The following PRDM5 variants were observed in gnomAD, a reference collection of about 807,000 sequenced individuals.
PRDM5 encodes PR domain zinc finger protein 5.
Under a neutral mutation model 81.2 loss-of-function variants are expected in PRDM5, and 56 were observed. The ratio of observed to expected loss-of-function variants is 0.69; its 90% CI spans 0.56 to 0.86. The LOEUF is 0.86. PRDM5 is among the 40% of genes least tolerant of loss of function. The pLI is 0.00. For missense variants in PRDM5, 697 were observed against 770.1 expected (o/e 0.91, Z 1.12); for synonymous variants, 267 against 256.4 (o/e 1.04, Z -0.39).
chr4:120,748,761 A>T (rs1743525797), intron 14 of PRDM5, among the ~76,000 whole-genome samples: 1 of 152,104 alleles, frequency 6.6e-6, no homozygotes, highest in Non-Finnish European at 1.5e-5. Context: ...CTAGAAAGGG[A>T]TGAGAAATGG....
Position 120,818,481 on chromosome 4 carries a change from C to T in PRDM5, c.522G>A (p.Ser174=), listed in dbSNP as rs752217320. 13 of 1,613,486 alleles carry T rather than the reference C, an allele frequency of 8.1e-6. No homozygotes were observed. Among genetic ancestry groups the T allele is most frequent in the Admixed American group, 3.3e-5 (2 of 59,974 alleles). ...CAAGAATATCCTCACTGGTAAAACT[C>T]GATTCACATTGAGGACAAGCATAGT... ...KEDYACPQCE[S]SFTSEDILAE... The change falls in exon 5 of 16, where the codon TCG becomes TCA. Residue 174 remains serine (S), a synonymous_variant. Transcript: ENST00000264808.
intron 2 of PRDM5, among the ~76,000 whole-genome samples, chr4:120,868,638 G>A (rs1761460079): frequency 6.6e-6 from 1 of 152,120 alleles, no homozygotes; most frequent in Non-Finnish European, 1.5e-5. Context: ...CAATGCCACA[G>A]AATTAAAGAA....
chr4:120,851,520 T>G (rs1759275914), intron 3 of PRDM5, among the ~76,000 whole-genome samples: 1 of 151,198 alleles, frequency 6.6e-6, no homozygotes, highest in South Asian at 2.1e-4. Context: ...ATGGCCATCA[T>G]GAATAATTGG....
At chr4:120,839,169 C>T (rs1757701199) in intron 3 of PRDM5, 1 of 695,372 alleles carries the variant, frequency 1.4e-6, no homozygotes, top group Non-Finnish European at 2.6e-6. Context: ...TGCAGCTCTT[C>T]TCTCCTTCTC....
intron 13 of PRDM5, among the ~76,000 whole-genome samples, chr4:120,774,868 GTCTC>G (rs151074819): frequency 1.5e-5 from 2 of 134,742 alleles, no homozygotes; most frequent in East Asian, 2.1e-4. Context: ...CTCCTTCTCT[GTCTC>G]TCTCTCTCTC....
chr4:120,824,024 C>T (rs1006968699), intron 3 of PRDM5, among the ~76,000 whole-genome samples: 16 of 152,140 alleles, frequency 1.1e-4, no homozygotes. Flanking sequence ...CTTTACCTTC[C>T]ACCATGAGTA....
intron 14 of PRDM5, among the ~76,000 whole-genome samples, chr4:120,723,923 A>ATTTTTTTTTTT (rs70948360): frequency 7.4e-5 from 6 of 81,254 alleles, no homozygotes; most frequent in African/African-American, 1.0e-4. Context: ...GATAGCTTGA[A>ATTTTTTTTTTT]TTTTTTTTTT....
At chr4:120,686,907 C>A (rs1234047855) in intron 1 of PRDM5, among the ~76,000 whole-genome samples, 1 of 151,938 alleles carries the variant, frequency 6.6e-6, no homozygotes, top group Non-Finnish European at 1.5e-5. Flanking sequence ...AAGAAGGTCA[C>A]ATCTTTATCC....
At chr4:120,833,269 C>T (rs1460832764) in intron 3 of PRDM5, among the ~76,000 whole-genome samples, 1 of 152,106 alleles carries the variant, frequency 6.6e-6, no homozygotes, top group East Asian at 1.9e-4. Context: ...CTTCATCCCA[C>T]CCGGGACAGG....
intron 13 of PRDM5, among the ~76,000 whole-genome samples, chr4:120,772,640 T>G (rs1451429494): frequency 3.9e-5 from 6 of 152,222 alleles, no homozygotes; most frequent in African/African-American, 1.2e-4. Flanking sequence ...GAATGGCCTC[T>G]GTCAGCCGGG....
At chr4:120,863,191 T>TACACACACACACACACACACACACACAC (rs370387683) in intron 2 of PRDM5, among the ~76,000 whole-genome samples, 1 of 70,312 alleles carries the variant, frequency 1.4e-5, no homozygotes, top group Non-Finnish European at 2.8e-5. Flanking sequence ...TATATATATA[T>TACACACACACACACACACACACACACAC]ACACACACAC....
In PRDM5 at chr4:120,698,273, T is replaced by C. The variant is rs115637780; in HGVS notation, c.1729-2998A>G. On this transcript the variant is annotated intron_variant, in intron 15 of 15. Coordinates refer to ENST00000264808, the MANE Select transcript of PRDM5 (RefSeq NM_018699.4). ...TCTACATTGCCAAATCCTGGCACTT[T>C]TGAGCCCTCATTTAACATGAATTCT... 4.3e-3 allele frequency among the ~76,000 whole-genome samples: 650 copies of C among 152,330 alleles called. 5 individuals carry two copies. The highest frequency in any genetic ancestry group is 0.015 in the African/African-American group (621 of 41,586).
chr4:120,840,501 G>A (rs1757900666), intron 3 of PRDM5, among the ~76,000 whole-genome samples: 1 of 152,130 alleles, frequency 6.6e-6, no homozygotes. Flanking sequence ...TGGGTACAGT[G>A]ACTGCATGGC....
intron 11 of PRDM5, among the ~76,000 whole-genome samples, chr4:120,781,577 A>G (rs188915798): frequency 6.6e-6 from 1 of 152,302 alleles, no homozygotes; most frequent in Admixed American, 6.5e-5. Context: ...AACATTTTTT[A>G]AAAGTATGTA....
chr4:120,809,174 A>T (rs544378832), intron 8 of PRDM5, among the ~76,000 whole-genome samples: 1 of 150,090 alleles, frequency 6.7e-6, no homozygotes, highest in Non-Finnish European at 1.5e-5. Flanking sequence ...GTTCTCACTC[A>T]TAGGTGGGAA....
chr4:120,806,479 T>A (rs895629685), intron 8 of PRDM5, among the ~76,000 whole-genome samples: 1 of 152,176 alleles, frequency 6.6e-6, no homozygotes, highest in Non-Finnish European at 1.5e-5. Flanking sequence ...CAAAACAGCA[T>A]GGCACTGGTA....
In PRDM5 at chr4:120,857,482, TC is replaced by T. The variant is rs1760013840; in HGVS notation, c.178-3943del. Among the ~76,000 whole-genome samples, 3 of 152,228 alleles carry T rather than the reference TC, an allele frequency of 2.0e-5. No homozygotes were observed. The South Asian group carries it at 6.2e-4, about 31-fold the overall frequency. ...GCTGCTTCACATTTAATGAAATTATTCCCTTATGGGAACTTGGCAGGGTCTA... is the reference window on the plus strand; with the variant it reads ...GCTGCTTCACATTTAATGAAATTATTCCTTATGGGAACTTGGCAGGGTCTA... On this transcript the variant is annotated intron_variant, in intron 2 of 15. Coordinates refer to ENST00000264808, the MANE Select transcript of PRDM5 (RefSeq NM_018699.4).
intron 7 of PRDM5, among the ~76,000 whole-genome samples, chr4:120,815,388 C>T (rs1462287893): frequency 1.3e-5 from 2 of 152,202 alleles, no homozygotes; most frequent in Non-Finnish European, 2.9e-5. Flanking sequence ...GCTGGAGGTG[C>T]ATTTCACAAG....
At chr4:120,808,633 C>T (rs1006087174) in intron 8 of PRDM5, among the ~76,000 whole-genome samples, 22 of 152,240 alleles carry the variant, frequency 1.4e-4, no homozygotes, top group African/African-American at 4.6e-4. Flanking sequence ...CTTGGGTGGT[C>T]GATGGGACCA....
Sources: gnomAD v4.1 joint callset for allele counts (sites outside exome capture counted in the v4.1 genomes callset) on GRCh38, gnomAD v4.1.1 for gene constraint, MANE v1.5 for transcripts, NCBI Gene and HGNC (gene_info 2026-07-23, HGNC 2026-07-21) for gene names.